The following ALX4 variants were observed in gnomAD, a reference collection of about 807,000 sequenced individuals.
ALX4 encodes the protein homeobox protein aristaless-like 4.
Under a neutral mutation model 40.6 loss-of-function variants are expected in ALX4, and 22 were observed. The ratio of observed to expected loss-of-function variants is 0.54; its 90% CI spans 0.39 to 0.77. The LOEUF (loss-of-function observed/expected upper bound fraction) is 0.77. Among genes scored for constraint, ALX4 ranks in the 30% least tolerant of loss-of-function variants. The pLI is 0.00. For synonymous variants in ALX4, 266 were observed against 240.5 expected (o/e 1.11, Z -0.98); for missense variants, 556 against 564.8 (o/e 0.98, Z 0.16).
chr11:44,271,064 A>G (rs776385847), intron 2 of ALX4, among the ~76,000 whole-genome samples: 33 of 150,240 alleles, frequency 2.2e-4, no homozygotes, highest in Admixed American at 4.0e-4. Context: ...CCCCACCACC[A>G]CTCTACGCCA....
chr11:44,305,832 C>T (rs932464184), intron 1 of ALX4, among the ~76,000 whole-genome samples: 3 of 152,188 alleles, frequency 2.0e-5, no homozygotes, highest in Admixed American at 6.5e-5. Flanking sequence ...AAAAACCTGT[C>T]GCCACCGAAT....
intron 1 of ALX4, among the ~76,000 whole-genome samples, chr11:44,292,720 C>T (rs1400349911): frequency 6.6e-6 from 1 of 151,978 alleles, no homozygotes; most frequent in African/African-American, 2.4e-5. Context: ...GATGGGTTCC[C>T]AGGATTTTGC....
intron 1 of ALX4, among the ~76,000 whole-genome samples, chr11:44,291,329 C>T (rs1263853192): frequency 6.6e-6 from 1 of 152,202 alleles, no homozygotes; most frequent in Non-Finnish European, 1.5e-5. Flanking sequence ...AGCGTTATCA[C>T]TCGCCCTGCC....
chr11:44,265,788 G>A (rs1956210362), intron 3 of ALX4, among the ~76,000 whole-genome samples: 1 of 152,160 alleles, frequency 6.6e-6, no homozygotes, highest in Admixed American at 6.5e-5. Flanking sequence ...GCTGCCTCAG[G>A]AGTGGACAGC....
chr11:44,281,580 C>T (rs1322639378), intron 1 of ALX4, among the ~76,000 whole-genome samples: 1 of 152,058 alleles, frequency 6.6e-6, no homozygotes, highest in Non-Finnish European at 1.5e-5. Context: ...GGAGTGCACA[C>T]ACCGATGTAA....
chr11:44,280,650 C>T (rs1956304359), intron 1 of ALX4, among the ~76,000 whole-genome samples: 1 of 152,174 alleles, frequency 6.6e-6, no homozygotes, highest in Non-Finnish European at 1.5e-5. Context: ...GAAGTAAACC[C>T]CTGACTACTT....
chr11:44,295,436 G>T (rs1956397502), intron 1 of ALX4, among the ~76,000 whole-genome samples: 1 of 152,226 alleles, frequency 6.6e-6, no homozygotes, highest in Non-Finnish European at 1.5e-5. Context: ...AGGGCACATG[G>T]CTGGAAGACC....
chr11:44,295,777 C>T (rs966690459), intron 1 of ALX4, among the ~76,000 whole-genome samples: 6 of 152,204 alleles, frequency 3.9e-5, no homozygotes, highest in Non-Finnish European at 7.3e-5. Context: ...CCCAGATGTG[C>T]GCATCTCAGG....
At chr11:44,284,254 A>G (rs1400596761) in intron 1 of ALX4, among the ~76,000 whole-genome samples, 3 of 151,596 alleles carry the variant, frequency 2.0e-5, no homozygotes, top group Non-Finnish European at 2.9e-5. Context: ...TTAATTTTCT[A>G]TTTGTTTTCC....
chr11:44,280,480 C>T (rs1315154022), intron 1 of ALX4, among the ~76,000 whole-genome samples: 2 of 152,234 alleles, frequency 1.3e-5, no homozygotes, highest in South Asian at 2.1e-4. Context: ...CCAGGCCACC[C>T]GCCAGGGGTT....
intron 2 of ALX4, among the ~76,000 whole-genome samples, chr11:44,269,123 G>T (rs140214750): frequency 5.3e-4 from 81 of 152,352 alleles, no homozygotes; most frequent in African/African-American, 1.9e-3. Flanking sequence ...AGGAACCACT[G>T]CGAGGAGGGG....
At chr11:44,281,229 AG>A (rs2119824989) in intron 1 of ALX4, among the ~76,000 whole-genome samples, 1 of 152,152 alleles carries the variant, frequency 6.6e-6, no homozygotes, top group Non-Finnish European at 1.5e-5. Flanking sequence ...CTGTGGCACA[AG>A]TCTGCCATTG....
At chr11:44,271,489 G>A (rs1956247205) in intron 2 of ALX4, among the ~76,000 whole-genome samples, 1 of 152,180 alleles carries the variant, frequency 6.6e-6, no homozygotes, top group African/African-American at 2.4e-5. Context: ...TAGGTGATAA[G>A]ATATGCAGCA....
intron 1 of ALX4, 75 bp downstream of exon 1, chr11:44,309,522 G>A (rs1010323582): frequency 3.3e-6 from 5 of 1,524,586 alleles, no homozygotes; most frequent in Admixed American, 2.0e-5. Context: ...CCTCCCGCAA[G>A]CCACCAGTTT....
At chr11:44,269,361 C>G (rs1956231724) in intron 2 of ALX4, among the ~76,000 whole-genome samples, 1 of 152,236 alleles carries the variant, frequency 6.6e-6, no homozygotes, top group African/African-American at 2.4e-5. Context: ...TGACCTTTCT[C>G]ACTGTCTTTT....
rs1434964190 is a variant in ALX4, at chr11:44,262,846, G to A, written c.*2008C>T. ...CTTCCTTTCCCTGGCTAGATTTTGG[G>A]GGAGTCTGGGTCATTTCAGCGAACC... is the stretch of plus-strand genomic sequence containing the variant. On this transcript the variant is annotated 3_prime_UTR_variant, in exon 4 of 4. Coordinates refer to ENST00000652299, the MANE Select transcript of ALX4 (RefSeq NM_021926.4). 1 of 152,188 alleles carries A rather than the reference G, an allele frequency of 6.6e-6. No homozygotes were observed. The highest frequency in any genetic ancestry group is 1.9e-4 in the East Asian group (1 of 5,200). 9.4% of individuals were successfully genotyped at this position (152,188 alleles called of 1,614,324 possible). A position where few individuals can be genotyped will look rare whatever the true frequency, so the allele number is the denominator to read the frequency against.
intron 1 of ALX4, among the ~76,000 whole-genome samples, chr11:44,296,875 G>A (rs576560217): frequency 1.3e-5 from 2 of 152,138 alleles, no homozygotes; most frequent in South Asian, 4.1e-4. Flanking sequence ...CAGGTGTGGT[G>A]GTGGGTGCCT....
At chr11:44,280,586 C>CT (rs1956303967) in intron 1 of ALX4, among the ~76,000 whole-genome samples, 1 of 152,178 alleles carries the variant, frequency 6.6e-6, no homozygotes, top group South Asian at 2.1e-4. Context: ...AGGGCTGAGG[C>CT]TATGGGGTCC....
At chr11:44,279,964 C>T (rs117616189) in intron 1 of ALX4, among the ~76,000 whole-genome samples, 2,139 of 152,218 alleles carry the variant, frequency 0.014, 30 homozygotes, top group Non-Finnish European at 0.023. Context: ...ACTGAGCTCT[C>T]GCTCTGTCCA....
Sources: allele counts gnomAD v4.1 joint callset (sites outside exome capture counted in the v4.1 genomes callset), GRCh38; gene constraint gnomAD v4.1.1; transcripts MANE v1.5; gene names NCBI Gene and HGNC (gene_info 2026-07-23, HGNC 2026-07-21).